The following EDNRB variants were observed in gnomAD, a reference collection of about 807,000 sequenced individuals.
EDNRB encodes Hirschsprung disease 2.
EDNRB carries 18 observed loss-of-function variants against 46.4 expected under a neutral mutation model. That is an observed-to-expected ratio of 0.39 (90% CI 0.27 to 0.57). The LOEUF (loss-of-function observed/expected upper bound fraction) is 0.57. Ranked by LOEUF, EDNRB falls within the 20% of genes least tolerant of loss-of-function variation. The pLI is 0.61. For missense variants in EDNRB, 434 were observed against 537.5 expected (o/e 0.81, Z 1.90); for synonymous variants, 213 against 204.9 (o/e 1.04, Z -0.34).
chr13:77,946,568 A>AG (rs143087425), intron 1 of EDNRB, among the ~76,000 whole-genome samples: 1 of 152,236 alleles, frequency 6.6e-6, no homozygotes, highest in African/African-American at 2.4e-5. Flanking sequence ...CTATTATAAG[A>AG]GAAAAAAAAA....
rs139541462 is a variant in EDNRB at position 77,907,569 on chromosome 13, T to A, written c.484-3962A>T. ...ATCTATCCCACTGGTTCTGTTTCTC[T>A]GGAGAACCCTGACTAATCCCCCTAG... On this transcript the variant is annotated intron_variant, in intron 1 of 6. Transcript: ENST00000646607. Among the ~76,000 whole-genome samples the A allele has an allele frequency of 3.0e-3, 451 of 152,122 alleles. 3 individuals are homozygous for A. Among genetic ancestry groups the A allele is most frequent in the African/African-American group, 0.01 (435 of 41,532 alleles).
chr13:77,916,301 ATGAAT>A (rs1879802281), intron 1 of EDNRB, among the ~76,000 whole-genome samples: 1 of 152,226 alleles, frequency 6.6e-6, no homozygotes, highest in South Asian at 2.1e-4. Context: ...TTCGGTTTTG[ATGAAT>A]TGAATTGAAA....
At chr13:77,974,585 T>C (rs565193635) in intron 1 of EDNRB, among the ~76,000 whole-genome samples, 1 of 146,208 alleles carries the variant, frequency 6.8e-6, no homozygotes, top group Non-Finnish European at 1.5e-5. Flanking sequence ...TCTCTGTCTT[T>C]CTCTTCTCTG....
intron 1 of EDNRB, among the ~76,000 whole-genome samples, chr13:77,956,263 T>A (rs1050540296): frequency 1.3e-5 from 2 of 150,910 alleles, no homozygotes; most frequent in African/African-American, 4.8e-5. Context: ...ATTCCTAACT[T>A]TTTTTTTGAT....
chr13:77,973,610 G>A (rs12720123), intron 1 of EDNRB, among the ~76,000 whole-genome samples: 4 of 151,508 alleles, frequency 2.6e-5, no homozygotes, highest in Non-Finnish European at 4.4e-5. Flanking sequence ...ACCTTTTAAT[G>A]TAGGTAAAAC....
chr13:77,944,018 C>T (rs1880828579), intron 1 of EDNRB, among the ~76,000 whole-genome samples: 1 of 152,062 alleles, frequency 6.6e-6, no homozygotes, highest in African/African-American at 2.4e-5. Flanking sequence ...GAAATGACCA[C>T]TTAACAGAAT....
At position 77,931,409 on chromosome 13, in the gene EDNRB, T is replaced by C. The variant is rs558270917; in HGVS notation, c.-51-12785A>G. Among the ~76,000 whole-genome samples the C allele has an allele frequency of 2.5e-4, 38 of 152,322 alleles. No individual in the cohort carries two copies. The South Asian group carries it at 7.7e-3, about 31-fold the overall frequency. On this transcript the variant is annotated intron_variant, in intron 1 of 7. Transcript: ENST00000646948. The stretch of plus-strand genomic sequence containing the variant: ...TTTGGAAATAGTCTCCCAAAGACTA[T>C]TTTTGTATGATATAATCCAGCCTTA...
chr13:77,958,166 C>A (rs1939045513), intron 1 of EDNRB, among the ~76,000 whole-genome samples: 1 of 152,084 alleles, frequency 6.6e-6, no homozygotes, highest in Admixed American at 6.6e-5. Flanking sequence ...AGGGAGTTCA[C>A]ATGTCAGAGA....
At chr13:77,900,116 C>A in intron 5 of EDNRB, 149 bp from the exon 6 acceptor site, 1 of 733,260 alleles carries the variant, frequency 1.4e-6, no homozygotes. Flanking sequence ...TGATTCTCTG[C>A]CTGTCTCTGT....
At chr13:77,914,683 A>G (rs1467805356) in intron 1 of EDNRB, among the ~76,000 whole-genome samples, 1 of 152,210 alleles carries the variant, frequency 6.6e-6, no homozygotes, top group Non-Finnish European at 1.5e-5. Flanking sequence ...GAGTGGTATG[A>G]TTCTTCCTAA....
chr13:77,913,801 T>C (rs1168425317), intron 1 of EDNRB, among the ~76,000 whole-genome samples: 1 of 152,172 alleles, frequency 6.6e-6, no homozygotes, highest in Non-Finnish European at 1.5e-5. Context: ...TTATCCAGCT[T>C]TGATATCTAT....
chr13:77,941,414 A>G (rs1880740661), intron 1 of EDNRB, among the ~76,000 whole-genome samples: 1 of 152,226 alleles, frequency 6.6e-6, no homozygotes, highest in Non-Finnish European at 1.5e-5. Flanking sequence ...AATGTAAATG[A>G]CCAGAGTTCA....
chr13:77,942,679 A>AT (rs2137666226), intron 1 of EDNRB, among the ~76,000 whole-genome samples: 1 of 152,278 alleles, frequency 6.6e-6, no homozygotes, highest in African/African-American at 2.4e-5. Context: ...ATTTACCCAT[A>AT]TCTAACATCT....
chr13:77,973,032 T>A lies in EDNRB; in HGVS notation c.-52+2315A>T, dbSNP rs147550531. On this transcript the variant is annotated intron_variant, in intron 1 of 7. Coordinates refer to the EDNRB transcript ENST00000646948. ...ACGTGATCTTCAGGCTGGTGCTGGT[T>A]TACTGGAAATTCTAGGGGTGGTATG... Among the ~76,000 whole-genome samples the A allele has an allele frequency of 2.4e-4, 37 of 152,276 alleles. No individual in the cohort carries two copies. In the East Asian group the frequency reaches 5.0e-3, roughly 21 times the overall value.
intron 1 of EDNRB, among the ~76,000 whole-genome samples, chr13:77,945,066 T>C (rs1880864254): frequency 6.6e-6 from 1 of 152,148 alleles, no homozygotes; most frequent in South Asian, 2.1e-4. Context: ...GTGAACTCAA[T>C]GCCCTTTATG....
chr13:77,940,920 C>T (rs144812202), intron 1 of EDNRB, among the ~76,000 whole-genome samples: 1 of 152,128 alleles, frequency 6.6e-6, no homozygotes, highest in Admixed American at 6.5e-5. Context: ...GAACAGGATC[C>T]TAGATGCCAT....
upstream of EDNRB, among the ~76,000 whole-genome samples, chr13:77,921,354 G>A (rs1377756025): frequency 1.3e-5 from 2 of 152,200 alleles, no homozygotes; most frequent in African/African-American, 4.8e-5. Context: ...TTAAAACACA[G>A]TATCAGCTAC....
At chr13:77,949,402 A>C (rs1594392085) in intron 1 of EDNRB, among the ~76,000 whole-genome samples, 1 of 152,252 alleles carries the variant, frequency 6.6e-6, no homozygotes, top group East Asian at 1.9e-4. Context: ...TCTGGCCAAG[A>C]CTTCGCACTG....
intron 1 of EDNRB, among the ~76,000 whole-genome samples, chr13:77,926,953 A>G (rs1281746747): frequency 6.6e-6 from 1 of 152,228 alleles, no homozygotes; most frequent in East Asian, 1.9e-4. Context: ...TGATAAAACC[A>G]TCAGATCTTG....
Sources: allele counts gnomAD v4.1 joint callset (sites outside exome capture counted in the v4.1 genomes callset), GRCh38; gene constraint gnomAD v4.1.1; transcripts MANE v1.5; gene names NCBI Gene and HGNC (gene_info 2026-07-23, HGNC 2026-07-21).